The following PHF21A variants were observed in gnomAD, a reference collection of about 807,000 sequenced individuals.
PHF21A encodes PHD finger protein 21A.
A neutral mutation model predicts 82.5 loss-of-function variants in PHF21A; 11 were observed. That is an observed-to-expected ratio of 0.13 (90% confidence interval 0.08 to 0.22). PHF21A has a LOEUF of 0.22. PHF21A is among the 10% of genes least tolerant of loss of function. PHF21A has a pLI of 1.00. For missense variants in PHF21A, 579 were observed against 837.8 expected, an observed-to-expected ratio of 0.69 and a Z score of 3.81; for synonymous variants, 297 against 302.8, an observed-to-expected ratio of 0.98 and a Z score of 0.20.
chr11:46,003,488 T>C (rs1021008370), intron 6 of PHF21A, among the ~76,000 whole-genome samples: 8 of 152,036 alleles, frequency 5.3e-5, no homozygotes, highest in African/African-American at 1.9e-4. Context: ...AAACAAGAAA[T>C]TGATAGCTTA....
chr11:45,946,921 A>C (rs1334447201), intron 14 of PHF21A, among the ~76,000 whole-genome samples: 1 of 152,234 alleles, frequency 6.6e-6, no homozygotes, highest in African/African-American at 2.4e-5. Context: ...GGAGTAGCTG[A>C]AACCTAAGAG....
At chr11:46,073,557 A>T (rs1184854097) in intron 6 of PHF21A, among the ~76,000 whole-genome samples, 1 of 152,184 alleles carries the variant, frequency 6.6e-6, no homozygotes, top group Non-Finnish European at 1.5e-5. Flanking sequence ...AGAAAAAATA[A>T]ACCACCTGTA....
At chr11:46,088,404 C>CCAA (rs1294283559) in intron 3 of PHF21A, among the ~76,000 whole-genome samples, 2 of 119,714 alleles carry the variant, frequency 1.7e-5, no homozygotes, top group Non-Finnish European at 3.4e-5. Context: ...CTCTAACTTT[C>CCAA]CAATAACAAC....
chr11:46,086,863 C>A (rs1020298391), intron 3 of PHF21A, among the ~76,000 whole-genome samples: 2 of 152,124 alleles, frequency 1.3e-5, no homozygotes, highest in African/African-American at 2.4e-5. Flanking sequence ...AGGGCTAATA[C>A]AGTTTATATA....
intron 1 of PHF21A, among the ~76,000 whole-genome samples, chr11:46,095,582 G>A (rs2096984571): frequency 6.6e-6 from 1 of 151,958 alleles, no homozygotes; most frequent in African/African-American, 2.4e-5. Context: ...GAACTTCACA[G>A]GTAACTGCTC....
chr11:45,968,523 T>A (rs2093580461), intron 9 of PHF21A, among the ~76,000 whole-genome samples: 1 of 152,216 alleles, frequency 6.6e-6, no homozygotes, highest in Non-Finnish European at 1.5e-5. Context: ...GCCTGGGACA[T>A]TTTTATTCTT....
intron 9 of PHF21A, 62 bp downstream of exon 9, chr11:45,969,753 A>G (rs373505398): frequency 3.6e-6 from 4 of 1,121,002 alleles, no homozygotes. Context: ...CTACTTAGAA[A>G]GAGCCCATGA....
intron 6 of PHF21A, among the ~76,000 whole-genome samples, chr11:46,034,972 C>T (rs952803678): frequency 1.3e-5 from 2 of 152,148 alleles, no homozygotes; most frequent in African/African-American, 4.8e-5. Flanking sequence ...ACAGAGTTAG[C>T]CTACCGTAGT....
intron 6 of PHF21A, among the ~76,000 whole-genome samples, chr11:46,018,742 T>G (rs543672581): frequency 6.6e-6 from 1 of 152,000 alleles, no homozygotes; most frequent in East Asian, 1.9e-4. Context: ...AAAACAGAGA[T>G]AGCAATTGAT....
intron 6 of PHF21A, among the ~76,000 whole-genome samples, chr11:46,005,910 C>T (rs2095283091): frequency 6.6e-6 from 1 of 152,096 alleles, no homozygotes; most frequent in South Asian, 2.1e-4. Flanking sequence ...AAAACTTCAA[C>T]TTCAGAACTC....
At chr11:46,073,323 G>A (rs561211812) in intron 6 of PHF21A, among the ~76,000 whole-genome samples, 8 of 144,494 alleles carry the variant, frequency 5.5e-5, no homozygotes, top group South Asian at 2.2e-4. Flanking sequence ...GCGAGACCCC[G>A]TCTCAAAAAA....
At chr11:45,954,399 T>G (rs920090938) in intron 10 of PHF21A, among the ~76,000 whole-genome samples, 1 of 152,098 alleles carries the variant, frequency 6.6e-6, no homozygotes, top group African/African-American at 2.4e-5. Context: ...TCGGAACAAT[T>G]CCAGTCATAA....
intron 6 of PHF21A, among the ~76,000 whole-genome samples, chr11:46,030,922 A>G (rs1288794807): frequency 6.6e-6 from 1 of 151,888 alleles, no homozygotes; most frequent in Non-Finnish European, 1.5e-5. Flanking sequence ...CTGACCAGAG[A>G]AATTGCTGAT....
chr11:46,000,586 A>G (rs1294474455), intron 6 of PHF21A, among the ~76,000 whole-genome samples: 2 of 152,238 alleles, frequency 1.3e-5, no homozygotes, highest in African/African-American at 4.8e-5. Context: ...TCAATTGTCT[A>G]ATGATTTTAA....
At chr11:46,040,163 G>A (rs1310443067) in intron 6 of PHF21A, among the ~76,000 whole-genome samples, 3 of 152,262 alleles carry the variant, frequency 2.0e-5, no homozygotes, top group South Asian at 4.1e-4. Flanking sequence ...GTAATCCCAA[G>A]TGACTTTTCA....
intron 9 of PHF21A, among the ~76,000 whole-genome samples, chr11:45,966,489 A>G (rs775741369): frequency 6.6e-6 from 1 of 152,210 alleles, no homozygotes; most frequent in Non-Finnish European, 1.5e-5. Flanking sequence ...AAAACAGTGA[A>G]AAAAAGTTAC....
At chr11:45,981,733 G>C (rs577998258) in intron 6 of PHF21A, among the ~76,000 whole-genome samples, 146 of 152,196 alleles carry the variant, frequency 9.6e-4, no homozygotes, top group Middle Eastern at 6.8e-3. Context: ...ATAAGAGCCA[G>C]GTTAATTCTC....
chr11:46,048,021 T>A (rs1296086686), intron 6 of PHF21A, among the ~76,000 whole-genome samples: 2 of 152,228 alleles, frequency 1.3e-5, no homozygotes, highest in Admixed American at 1.3e-4. Context: ...AATTCATCCA[T>A]CTGAAGTGTA....
In PHF21A at chr11:46,073,463, A is replaced by T. The variant is rs368850022; in HGVS notation, c.153+3291T>A. 6.0e-3 allele frequency among the ~76,000 whole-genome samples: 915 copies of T among 152,324 alleles called. 8 individuals carry two copies. Among genetic ancestry groups the T allele is most frequent in the Middle Eastern group, 0.02 (6 of 294 alleles). On this transcript the variant is annotated intron_variant, in intron 6 of 18. Transcript: ENST00000676320. ...AGCTTGATGTTAAAAAAATTTTTTA[A>T]ATCTTATTTCTTGTCTATTTCTGAT...
Sources: gnomAD v4.1 joint callset for allele counts (sites outside exome capture counted in the v4.1 genomes callset) on GRCh38, gnomAD v4.1.1 for gene constraint, MANE v1.5 for transcripts, NCBI Gene and HGNC (gene_info 2026-07-23, HGNC 2026-07-21) for gene names.